DIP2C: variants seen among roughly 807,000 people sequenced by gnomAD.
DIP2C encodes the protein DIP2 acetate--CoA ligase C (putative).
A neutral mutation model predicts 192.4 loss-of-function variants in DIP2C; 33 were observed. The observed-to-expected ratio is 0.17, with a 90% CI of 0.13 to 0.23. The LOEUF (loss-of-function observed/expected upper bound fraction) is 0.23. DIP2C is among the 10% of genes least tolerant of loss of function. DIP2C has a pLI of 1.00. For missense variants in DIP2C, 1,537 were observed against 2,110.1 expected (o/e 0.73, Z 5.32); for synonymous variants, 979 against 864.1 (o/e 1.13, Z -2.33).
chr10:679,938 G>A (rs192488380), intron 1 of DIP2C, among the ~76,000 whole-genome samples: 96 of 152,296 alleles, frequency 6.3e-4, no homozygotes, highest in Non-Finnish European at 9.6e-4. Flanking sequence ...GAGTGGAAGC[G>A]GCTATTTACC....
Position 481,932 on chromosome 10 carries a change from C to T in DIP2C, c.157+4527G>A, listed in dbSNP as rs550919133. ...TGTCCACTTTCCGTGAGCAGGCAGC[C>T]GGGGCCTCAGGTGATTTACATACTG... On this transcript the variant is annotated intron_variant, in intron 2 of 36. Transcript: ENST00000280886. Among the ~76,000 whole-genome samples the T allele has an allele frequency of 6.6e-5, 10 of 152,324 alleles. No homozygotes were observed. In the South Asian group the frequency reaches 1.0e-3, roughly 16 times the overall value.
In DIP2C at chr10:390,744, A is replaced by G. The variant is rs758588155; in HGVS notation, c.1380T>C (p.Phe460=). The G allele has an allele frequency of 4.3e-6, 7 of 1,613,702 alleles. No homozygotes were observed. The highest frequency in any genetic ancestry group is 3.3e-4 in the Middle Eastern group (2 of 6,082). Residue 460 remains phenylalanine, a synonymous_variant, in exon 11 of 37, where the codon TTT becomes TTC. Coordinates refer to ENST00000280886, the MANE Select transcript of DIP2C (RefSeq NM_014974.3). ...CTCGGAGGCTCGGTGGCTTACCTTTAAACTGTGGGATCTCTCCCGTTGGGC... is the reference window on the plus strand; with the variant it reads ...CTCGGAGGCTCGGTGGCTTACCTTTGAACTGTGGGATCTCTCCCGTTGGGC... The part of the protein sequence containing the change: ...PKSPTGEIPQ[F]KGWPKLLWFV...
In DIP2C at chr10:624,576, G is replaced by A. The variant is rs987180661; in HGVS notation, c.85+64918C>T. Among the ~76,000 whole-genome samples the A allele has an allele frequency of 3.9e-5, 6 of 152,304 alleles. No individual in the cohort carries two copies. In the East Asian group the frequency reaches 5.8e-4, roughly 15 times the overall value. On this transcript the variant is annotated intron_variant, in intron 1 of 36. Transcript: ENST00000280886. ...TTGGAAGTCACTCCCACCAGCCCACGGGGGCCCGGGCAGCCCCTCTGGATG... is the reference window on the plus strand; with the variant it reads ...TTGGAAGTCACTCCCACCAGCCCACAGGGGCCCGGGCAGCCCCTCTGGATG...
Position 385,464 on chromosome 10 carries a change from G to A in DIP2C, c.1663-825C>T, listed in dbSNP as rs890294887. Among the ~76,000 whole-genome samples, 7 of 152,156 alleles carry A rather than the reference G, an allele frequency of 4.6e-5. No homozygotes were observed. The East Asian group carries it at 7.7e-4, about 17-fold the overall frequency. On this transcript the variant is annotated intron_variant, in intron 14 of 36. Coordinates refer to ENST00000280886, the MANE Select transcript of DIP2C (RefSeq NM_014974.3). ...AGATCGTCATTTTCAACAGCCTTTCGTATCCTCAAAGCCTAATTCTTCCCG... is the reference window on the plus strand; with the variant it reads ...AGATCGTCATTTTCAACAGCCTTTCATATCCTCAAAGCCTAATTCTTCCCG...
intron 24 of DIP2C, among the ~76,000 whole-genome samples, chr10:355,321 G>T (rs1338763130): frequency 1.3e-5 from 2 of 152,214 alleles, no homozygotes; most frequent in African/African-American, 2.4e-5. Context: ...AGGAGGAGAG[G>T]TTGTTCCTAT....
intron 1 of DIP2C, among the ~76,000 whole-genome samples, chr10:555,571 G>A (rs1416311307): frequency 6.6e-6 from 1 of 152,118 alleles, no homozygotes. Flanking sequence ...AGAGAAGGCA[G>A]GTGACTCATA....
At chr10:579,844 C>A (rs1295231206) in intron 1 of DIP2C, among the ~76,000 whole-genome samples, 1 of 152,012 alleles carries the variant, frequency 6.6e-6, no homozygotes, top group Non-Finnish European at 1.5e-5. Context: ...GTACACACAT[C>A]TGTACAGTGT....
chr10:329,258 T>C (rs1957396443), intron 30 of DIP2C, among the ~76,000 whole-genome samples, 175 bp downstream of exon 30: 1 of 152,228 alleles, frequency 6.6e-6, no homozygotes. Flanking sequence ...TGGGGAAATA[T>C]TCACGTTAAA....
chr10:525,410 C>G (rs902168757), intron 1 of DIP2C, among the ~76,000 whole-genome samples: 1 of 152,188 alleles, frequency 6.6e-6, no homozygotes, highest in African/African-American at 2.4e-5. Context: ...AAAATACATA[C>G]ATTTGTGATG....
chr10:652,686 G>A lies in DIP2C; in HGVS notation c.85+36808C>T, dbSNP rs376128382. 6.6e-6 allele frequency: 1 copy of A among 152,418 alleles called. No homozygotes were observed. Among genetic ancestry groups the A allele is most frequent in the East Asian group, 1.9e-4 (1 of 5,172 alleles). The allele number at this position is 152,418 out of a possible 1,614,324, so 9.4% of individuals were successfully genotyped here. A position where few individuals can be genotyped will look rare whatever the true frequency, so the allele number is the denominator to read the frequency against. ...TGTCCTCCTTTCCACACACTCCCAA[G>A]CCTCCCATCCCACTTCCCGGTGCTG... On this transcript the variant is annotated intron_variant, in intron 1 of 36. Transcript: ENST00000280886. This position sits in a 1 kb window ranked among gnomAD's most constrained non-coding sequence, Gnocchi z 4.5.
At chr10:392,705 TGCCCAGGTACACACGC>T (rs200676658) in intron 10 of DIP2C, among the ~76,000 whole-genome samples, 1,798 of 151,410 alleles carry the variant, frequency 0.012, 34 homozygotes, top group African/African-American at 0.033. Flanking sequence ...CACACATACG[TGCCCAGGTACACACGC>T]GCCCAGGTAC....
At chr10:351,094 G>T (rs1958785069) in intron 24 of DIP2C, among the ~76,000 whole-genome samples, 1 of 152,188 alleles carries the variant, frequency 6.6e-6, no homozygotes, top group Admixed American at 6.5e-5. Flanking sequence ...ATGGCTGTCG[G>T]GGACCAGACA....
chr10:485,526 G>A (rs933837179), intron 2 of DIP2C, among the ~76,000 whole-genome samples: 9 of 152,168 alleles, frequency 5.9e-5, no homozygotes, highest in Admixed American at 1.3e-4. Flanking sequence ...AGAAAAACAC[G>A]AAATGAAAAC....
chr10:462,932 T>C (rs1051248944), intron 3 of DIP2C, among the ~76,000 whole-genome samples: 2 of 152,176 alleles, frequency 1.3e-5, no homozygotes, highest in African/African-American at 4.8e-5. Context: ...ATTATCCCAA[T>C]AGATGCAGAA....
chr10:458,674 C>G (rs757666579), intron 3 of DIP2C, among the ~76,000 whole-genome samples: 21 of 151,258 alleles, frequency 1.4e-4, no homozygotes, highest in Non-Finnish European at 2.7e-4. Flanking sequence ...CTCTACATTC[C>G]TGCCTCACCA....
In DIP2C at chr10:368,949, C is replaced by T. The variant is rs576985283; in HGVS notation, c.2131+545G>A. On this transcript the variant is annotated intron_variant, in intron 18 of 36. Transcript: ENST00000280886. ...GCGGCTCCTGGGAGGTGCCTGGGCG[C>T]TCCTCGTGGGGCTGGTGGGGAGGCA... Among the ~76,000 whole-genome samples, 37 of 152,356 alleles carry T rather than the reference C, an allele frequency of 2.4e-4. 1 individual carries two copies. The highest frequency in any genetic ancestry group is 2.6e-4 in the Admixed American group (4 of 15,314).
intron 1 of DIP2C, among the ~76,000 whole-genome samples, chr10:588,398 A>AAC (rs1368253401): frequency 3.3e-5 from 5 of 152,214 alleles, no homozygotes; most frequent in African/African-American, 4.8e-5. Context: ...CTGTCTTGTT[A>AAC]AATTGGGAGA....
At chr10:467,372 G>A (rs1464349748) in intron 3 of DIP2C, among the ~76,000 whole-genome samples, 1 of 144,148 alleles carries the variant, frequency 6.9e-6, no homozygotes, top group Non-Finnish European at 1.5e-5. Context: ...CACACTCTGG[G>A]GACTGTGGTG....
At chr10:454,076 A>G (rs187684192) in intron 3 of DIP2C, among the ~76,000 whole-genome samples, 50 of 152,360 alleles carry the variant, frequency 3.3e-4, no homozygotes, top group African/African-American at 1.1e-3. Flanking sequence ...TGGAGCTGAG[A>G]GGCAATAAAT....
Sources: gnomAD v4.1 joint callset for allele counts (sites outside exome capture counted in the v4.1 genomes callset) on GRCh38, gnomAD v4.1.1 for gene constraint, Gnocchi (gnomAD v3.1) non-coding constraint, MANE v1.5 for transcripts, NCBI Gene and HGNC (gene_info 2026-07-23, HGNC 2026-07-21) for gene names.